Variants in RANBP2 observed in about 807,000 individuals in gnomAD.
RANBP2 encodes the protein E3 SUMO-protein ligase RanBP2.
Under a neutral mutation model 303.6 loss-of-function variants are expected in RANBP2, and 57 were observed. That is an observed-to-expected ratio of 0.19 (90% confidence interval 0.15 to 0.23). The LOEUF is 0.23. Among genes scored for constraint, RANBP2 ranks in the 10% least tolerant of loss-of-function variants. The pLI, the probability that RANBP2 is intolerant of heterozygous loss-of-function variation, is 1.00. For missense variants in RANBP2, 3,138 were observed against 3,780.8 expected, an observed-to-expected ratio of 0.83 and a Z score of 4.46; for synonymous variants, 1,167 against 1,301.5, an observed-to-expected ratio of 0.90 and a Z score of 2.23.
At chr2:108,835,980 G>C in the RANBP2 span, among the ~76,000 whole-genome samples, 1 of 152,146 alleles carries the variant, frequency 6.6e-6, no homozygotes, top group African/African-American at 2.4e-5. Context: ...GAGAAAGGGA[G>C]CCCAGTCCCA....
chr2:109,242,990 C>T, the RANBP2 span, among the ~76,000 whole-genome samples: 1 of 152,224 alleles, frequency 6.6e-6, no homozygotes, highest in Non-Finnish European at 1.5e-5. Context: ...ACTCATGGTT[C>T]TGTTATTCTG....
At chr2:109,661,113 C>T in the RANBP2 span, among the ~76,000 whole-genome samples, 1 of 152,190 alleles carries the variant, frequency 6.6e-6, no homozygotes, top group Non-Finnish European at 1.5e-5. Flanking sequence ...GGCAGAGGGA[C>T]TCTCTTCCAT....
chr2:108,818,813 C>A, the RANBP2 span, among the ~76,000 whole-genome samples: 1 of 150,514 alleles, frequency 6.6e-6, no homozygotes. Flanking sequence ...CCTTTGGAAA[C>A]TTCTGACTTT....
the RANBP2 span, among the ~76,000 whole-genome samples, chr2:109,469,307 C>T: frequency 2.0e-4 from 30 of 152,362 alleles, no homozygotes; most frequent in Admixed American, 5.2e-4. Flanking sequence ...GTGTCCTCCA[C>T]TCTGTATCCT....
intron 12 of RANBP2, among the ~76,000 whole-genome samples, chr2:108,752,649 C>T (rs1393766044): frequency 4.0e-5 from 6 of 149,292 alleles, no homozygotes; most frequent in Middle Eastern, 3.5e-3. Flanking sequence ...AAAAATTAGC[C>T]GGGCGTGGTG....
At chr2:109,452,893 A>G in the RANBP2 span, among the ~76,000 whole-genome samples, 1 of 104,220 alleles carries the variant, frequency 9.6e-6, no homozygotes, top group Admixed American at 9.3e-5. Flanking sequence ...TGGTCCCAGG[A>G]GGCTGGTCCC....
In RANBP2 at chr2:108,766,227, T is replaced by G. The variant is rs568125337; in HGVS notation, c.5688T>G (p.Asp1896Glu). Residue 1896 changes from aspartate to glutamate, a missense_variant, in exon 20 of 29, where the codon GAT becomes GAG. Physicochemically the swap from Asp to Glu is conservative, Grantham distance 45. This residue lies in a region of RANBP2 where 348 missense variants were observed against 360.4 expected (regional missense o/e 0.97). Coordinates refer to ENST00000283195, the MANE Select transcript of RANBP2 (RefSeq NM_006267.5). ...KEGFSIPVSA[D>E]GFKFGISEPG... ...GATTTTCCATCCCTGTGTCTGCTGA[T>G]GGATTTAAATTTGGCATTTCGGAAC... 9.3e-6 allele frequency: 15 copies of G among 1,612,214 alleles called. No homozygotes were observed. In the South Asian group the frequency reaches 1.6e-4, roughly 18 times the overall value.
the RANBP2 span, among the ~76,000 whole-genome samples, chr2:109,760,979 C>G: frequency 1.5e-5 from 2 of 132,328 alleles, no homozygotes; most frequent in African/African-American, 5.9e-5. Context: ...CTCTCCTGTT[C>G]GCCTCCCTCG....
In RANBP2 at chr2:108,771,860, A is replaced by G. The variant is rs150674986; in HGVS notation, c.8009A>G (p.Glu2670Gly). The G allele has an allele frequency of 8.7e-6, 14 of 1,614,024 alleles. No individual in the cohort carries two copies. In the African/African-American group the frequency reaches 1.6e-4, roughly 18 times the overall value. ...AATAGACCAGATTATGTTAGTGAAG[A>G]AGAGGAGGATGGTAAAACTTTTGTT... ...YKNRPDYVSE[E>G]EEDDEDFETA... Residue 2670 changes from glutamate (E) to glycine (G), a missense_variant, in exon 21 of 29, where the codon GAA becomes GGA. Glu to Gly is a moderately conservative substitution (Grantham distance 98). Around this residue, in one of 20 missense-constraint regions of RANBP2, gnomAD observed 497 missense variants for 465.8 expected, o/e 1.07. Transcript: ENST00000283195.
At chr2:109,171,446 A>G in the RANBP2 span, among the ~76,000 whole-genome samples, 8 of 152,254 alleles carry the variant, frequency 5.3e-5, no homozygotes, top group East Asian at 1.9e-4. Flanking sequence ...CCTAACAAAA[A>G]TGCTTCCCCT....
chr2:109,058,307 C>T, the RANBP2 span, among the ~76,000 whole-genome samples: 354 of 152,344 alleles, frequency 2.3e-3, 3 homozygotes, highest in African/African-American at 7.9e-3. Flanking sequence ...CCAGCTACGC[C>T]TGGACTGGAG....
At chr2:109,455,841 G>C in the RANBP2 span, among the ~76,000 whole-genome samples, 1 of 152,228 alleles carries the variant, frequency 6.6e-6, no homozygotes, top group Non-Finnish European at 1.5e-5. Context: ...GCTACACTCT[G>C]CTGGCACAGG....
the RANBP2 span, among the ~76,000 whole-genome samples, chr2:109,272,002 T>C: frequency 6.6e-6 from 1 of 152,330 alleles, no homozygotes; most frequent in South Asian, 2.1e-4. Flanking sequence ...GTACATCTGG[T>C]ATGGGTGAAC....
chr2:109,621,872 C>T, the RANBP2 span, among the ~76,000 whole-genome samples: 1 of 151,800 alleles, frequency 6.6e-6, no homozygotes, highest in Non-Finnish European at 1.5e-5. Context: ...GAGATTGCAC[C>T]ACTGTACTCC....
the RANBP2 span, among the ~76,000 whole-genome samples, chr2:109,067,554 A>G: frequency 4.1e-4 from 62 of 152,272 alleles, no homozygotes; most frequent in African/African-American, 1.5e-3. Context: ...TGAAGTCTTC[A>G]TCTGTAAGTG....
chr2:109,022,518 G>A, the RANBP2 span, among the ~76,000 whole-genome samples: 1 of 152,168 alleles, frequency 6.6e-6, no homozygotes, highest in Non-Finnish European at 1.5e-5. Flanking sequence ...GTCAAACACT[G>A]CATTTCTCAA....
the RANBP2 span, among the ~76,000 whole-genome samples, chr2:109,382,769 C>A: frequency 4.4e-4 from 67 of 152,356 alleles, no homozygotes; most frequent in South Asian, 5.8e-3. Flanking sequence ...AGCTGATGAG[C>A]AGTTCCATGC....
chr2:109,489,557 T>G, the RANBP2 span, among the ~76,000 whole-genome samples: 1 of 152,146 alleles, frequency 6.6e-6, no homozygotes, highest in African/African-American at 2.4e-5. Context: ...ACAATGACGT[T>G]GCCAGGCTTG....
At chr2:109,210,041 G>A in the RANBP2 span, among the ~76,000 whole-genome samples, 1 of 152,164 alleles carries the variant, frequency 6.6e-6, no homozygotes, top group Admixed American at 6.5e-5. Flanking sequence ...TCTAGGGACC[G>A]CAGAGTCAAA....
Sources: allele counts gnomAD v4.1 joint callset (sites outside exome capture counted in the v4.1 genomes callset), GRCh38; gene constraint gnomAD v4.1.1; regional missense constraint gnomAD v4.1.1; transcripts MANE v1.5; gene names NCBI Gene and HGNC (gene_info 2026-07-23, HGNC 2026-07-21).